OSBPL9: variants seen among roughly 807,000 people sequenced by gnomAD.
OSBPL9 encodes the protein oxysterol-binding protein-related protein 9.
OSBPL9 carries 40 observed loss-of-function variants against 106.6 expected under a neutral mutation model. That is an observed-to-expected ratio of 0.38 (90% CI 0.29 to 0.49). The LOEUF (loss-of-function observed/expected upper bound fraction) is 0.49, where lower values mean the gene tolerates loss of function less well. OSBPL9 is among the 20% of genes least tolerant of loss of function. OSBPL9 has a pLI of 0.97. For synonymous variants in OSBPL9, 269 were observed against 295.4 expected, an observed-to-expected ratio of 0.91 and a Z score of 0.92; for missense variants, 609 against 887.2, an observed-to-expected ratio of 0.69 and a Z score of 3.98.
chr1:51,742,237 G>A (rs1203589409), intron 4 of OSBPL9, among the ~76,000 whole-genome samples: 1 of 152,112 alleles, frequency 6.6e-6, no homozygotes, highest in Non-Finnish European at 1.5e-5. Flanking sequence ...ATGATAAAAT[G>A]TGATAAATGT....
At chr1:51,774,960 G>A (rs896316643) in intron 14 of OSBPL9, among the ~76,000 whole-genome samples, 2 of 152,048 alleles carry the variant, frequency 1.3e-5, no homozygotes, top group Non-Finnish European at 2.9e-5. Context: ...ATCTACTGGA[G>A]TAGTGATCTT....
At chr1:51,750,008 A>G in intron 7 of OSBPL9, 137 bp from the exon 8 acceptor site, 1 of 471,182 alleles carries the variant, frequency 2.1e-6, no homozygotes, top group South Asian at 5.7e-5. Context: ...AGAACCCACT[A>G]GATCCAAAGA....
chr1:51,736,643 G>A (rs779762384), intron 4 of OSBPL9, among the ~76,000 whole-genome samples: 2 of 152,108 alleles, frequency 1.3e-5, no homozygotes, highest in Non-Finnish European at 2.9e-5. Context: ...AAGGATTCAC[G>A]TATTTAATGT....
chr1:51,607,651 A>G (rs566083913), intron 2 of OSBPL9, among the ~76,000 whole-genome samples: 2 of 152,018 alleles, frequency 1.3e-5, no homozygotes, highest in South Asian at 4.1e-4. Context: ...CTTCCTCCTA[A>G]TCTATTCTCC....
chr1:51,776,902 C>G lies in OSBPL9; in HGVS notation c.1240C>G (p.Pro414Ala). The G allele has an allele frequency of 6.2e-7, 1 of 1,610,624 alleles. No homozygotes were observed. The highest frequency in any genetic ancestry group is 8.5e-7 in the Non-Finnish European group (1 of 1,177,080). ...AATGTATGCAGACTTTTTTGCACAT[C>G]CGGACCTGTTTGTGAGGTATTTGAC... is the stretch of plus-strand genomic sequence containing the variant. ...LEMYADFFAH[P>A]DLFVSISDQK... is the part of the protein sequence containing the mutation. The change falls in exon 15 of 24, where the codon CCG (proline) becomes GCG (alanine). Residue 414 changes from proline to alanine, a missense_variant. Transcript: ENST00000428468.
chr1:51,713,178 C>T (rs1044261373), intron 3 of OSBPL9, among the ~76,000 whole-genome samples: 4 of 151,950 alleles, frequency 2.6e-5, no homozygotes, highest in Admixed American at 1.3e-4. Context: ...GAGACAGAGT[C>T]GCCCTCTGTT....
the OSBPL9 span, among the ~76,000 whole-genome samples, chr1:51,572,059 T>C: frequency 6.6e-6 from 1 of 152,306 alleles, no homozygotes; most frequent in Non-Finnish European, 1.5e-5. Context: ...CTCTCTACTC[T>C]GGAAATGGTT....
the OSBPL9 span, among the ~76,000 whole-genome samples, chr1:51,529,795 C>A: frequency 6.7e-6 from 1 of 150,206 alleles, no homozygotes; most frequent in African/African-American, 2.5e-5. Flanking sequence ...TACCAGATGC[C>A]AAAACTAGCT....
At chr1:51,597,844 A>T (rs1645310729) in intron 1 of OSBPL9, among the ~76,000 whole-genome samples, 1 of 152,156 alleles carries the variant, frequency 6.6e-6, no homozygotes, top group African/African-American at 2.4e-5. Flanking sequence ...AATATTTACT[A>T]ATCACCTACT....
At chr1:51,683,261 A>T (rs1393024080) in intron 3 of OSBPL9, among the ~76,000 whole-genome samples, 1 of 151,354 alleles carries the variant, frequency 6.6e-6, no homozygotes, top group Admixed American at 6.6e-5. Context: ...GCTCACCGCA[A>T]CCTCCATCTC....
chr1:51,756,790 A>G (rs1670432052), intron 9 of OSBPL9: 1 of 160,038 alleles, frequency 6.2e-6, no homozygotes, highest in Non-Finnish European at 1.4e-5. Context: ...GTTTTTGTGT[A>G]TGTGTTAACC....
At chr1:51,637,359 G>T (rs149967085) in intron 1 of OSBPL9, among the ~76,000 whole-genome samples, 11 of 152,038 alleles carry the variant, frequency 7.2e-5, no homozygotes, top group African/African-American at 1.9e-4. Context: ...GCTTGGTGGC[G>T]CATGCCTTTA....
intron 3 of OSBPL9, among the ~76,000 whole-genome samples, chr1:51,711,847 G>A (rs565136749): frequency 1.0e-3 from 158 of 151,384 alleles, no homozygotes; most frequent in African/African-American, 3.5e-3. Flanking sequence ...TCACTTCCTA[G>A]ATGTGATGGT....
In OSBPL9 at chr1:51,760,772, T is replaced by TA; in HGVS notation, c.666dup (p.Pro223ThrfsTer9). On this transcript the variant is annotated frameshift_variant, in exon 10 of 24. Transcript: ENST00000428468. LOFTEE classifies it high-confidence loss of function. Reference sequence around the variant, plus strand: ...AGCACAATGCCTTCCCAGACTGTGTTACCTCCAGGTAATTTGGGAAAATGT... The same window carrying TA: ...AGCACAATGCCTTCCCAGACTGTGTTAACCTCCAGGTAATTTGGGAAAATGT... 1 of 1,613,670 alleles carries TA rather than the reference T, an allele frequency of 6.2e-7. No homozygotes were observed. The highest frequency in any genetic ancestry group is 8.5e-7 in the Non-Finnish European group (1 of 1,179,784).
intron 1 of OSBPL9, among the ~76,000 whole-genome samples, chr1:51,631,043 C>T (rs1183503682): frequency 2.6e-5 from 4 of 152,130 alleles, no homozygotes; most frequent in African/African-American, 9.7e-5. Flanking sequence ...AAGTTTGACA[C>T]GAGGCTGGCC....
At chr1:51,668,793 G>A (rs1557664881) in intron 2 of OSBPL9, among the ~76,000 whole-genome samples, 1 of 152,140 alleles carries the variant, frequency 6.6e-6, no homozygotes, top group Non-Finnish European at 1.5e-5. Context: ...TACTAAGTAT[G>A]TACTTAAGTG....
At chr1:51,533,499 A>AAG in the OSBPL9 span, among the ~76,000 whole-genome samples, 3,613 of 147,204 alleles carry the variant, frequency 0.025, 57 homozygotes, top group East Asian at 0.1. Context: ...AAAAAAAAAA[A>AAG]AAAGAAAGAA....
chr1:51,633,602 T>TAAATA (rs140884503), intron 1 of OSBPL9, among the ~76,000 whole-genome samples: 5,517 of 149,466 alleles, frequency 0.037, 238 homozygotes, highest in East Asian at 0.15. Flanking sequence ...AAAAATAAAG[T>TAAATA]AAATAAAATA....
intron 17 of OSBPL9, 97 bp from the exon 18 acceptor site, chr1:51,783,818 G>A (rs758192627): frequency 1.7e-5 from 15 of 893,444 alleles, no homozygotes; most frequent in Non-Finnish European, 2.5e-5. Context: ...GAAGGGTAAA[G>A]GATTTCCCCA....
Sources: allele counts gnomAD v4.1 joint callset (sites outside exome capture counted in the v4.1 genomes callset), GRCh38; gene constraint gnomAD v4.1.1; transcripts MANE v1.5; gene names NCBI Gene and HGNC (gene_info 2026-07-23, HGNC 2026-07-21).